PRIM2: variants seen among roughly 807,000 people sequenced by gnomAD.
PRIM2 encodes DNA primase subunit 2.
A neutral mutation model predicts 67.3 loss-of-function variants in PRIM2; 39 were observed. The ratio of observed to expected loss-of-function variants is 0.58; its 90% CI spans 0.45 to 0.76. The LOEUF (loss-of-function observed/expected upper bound fraction) is 0.76. Ranked by LOEUF, PRIM2 falls within the 30% of genes least tolerant of loss-of-function variation. The probability of loss-of-function intolerance (pLI) is 0.00; values close to 1 mark genes in which losing one functional copy is unlikely to be tolerated. For synonymous variants in PRIM2, 143 were observed against 198.7 expected (o/e 0.72, Z 2.36); for missense variants, 398 against 598.7 (o/e 0.66, Z 3.50).
At chr6:57,499,240 C>T (rs1554346628) in intron 7 of PRIM2, among the ~76,000 whole-genome samples, 4 of 152,182 alleles carry the variant, frequency 2.6e-5, no homozygotes, top group Admixed American at 6.5e-5. Context: ...GGCACATGCC[C>T]GACAGATATC....
chr6:57,388,106 C>A (rs1581853464), intron 7 of PRIM2, among the ~76,000 whole-genome samples: 3 of 152,168 alleles, frequency 2.0e-5, no homozygotes, highest in African/African-American at 7.2e-5. Context: ...GCTGCAATGG[C>A]TAGGTGTAGA....
Position 57,626,833 on chromosome 6 carries a change from C to T in PRIM2, c.1231-5300C>T, listed in dbSNP as rs1776956726. 3.9e-5 allele frequency among the ~76,000 whole-genome samples: 6 copies of T among 152,110 alleles called. 1 individual carries two copies. In the South Asian group the frequency reaches 1.0e-3, roughly 26 times the overall value. On this transcript the variant is annotated intron_variant, in intron 12 of 13. Coordinates refer to ENST00000615550, the MANE Select transcript of PRIM2 (RefSeq NM_000947.5). ...TAGAGACAGGGTTTCTCTGTGTTGC[C>T]TAGGCTGGTCTTGAACTCCTGGACT...
rs1201743728 is a variant in PRIM2, at chr6:57,609,298, G to A, written c.1230+2841G>A. ...TACCCCTCAGCAATGTGGGAACATA[G>A]AGGAAATAGCTAAGACACAGCAAAG... On this transcript the variant is annotated intron_variant, in intron 12 of 13. Transcript: ENST00000615550. Among the ~76,000 whole-genome samples the A allele has an allele frequency of 1.2e-4, 18 of 152,326 alleles. 2 individuals carry two copies. In the South Asian group the frequency reaches 3.5e-3, roughly 30 times the overall value.
Position 57,601,202 on chromosome 6 carries a change from G to A in PRIM2, c.1130G>A (p.Ser377Asn). Reference protein sequence around the residue: ...CLKIILSNPPSQGDYHGCPFR... With the variant: ...CLKIILSNPPNQGDYHGCPFR... ...AAGATTATTCTGTCCAATCCACCAA[G>A]CCAAGGGGATTATCATGGTAAGTGC... The change falls in exon 11 of 14, where the codon AGC becomes AAC. Residue 377 changes from serine (S) to asparagine (N), a missense_variant. Coordinates refer to ENST00000615550, the MANE Select transcript of PRIM2 (RefSeq NM_000947.5). 4 of 1,608,336 alleles carry A rather than the reference G, an allele frequency of 2.5e-6. No homozygotes were observed. Among genetic ancestry groups the A allele is most frequent in the South Asian group, 1.1e-5 (1 of 89,860 alleles).
chr6:57,539,782 T>C (rs1410805739), intron 10 of PRIM2, among the ~76,000 whole-genome samples: 4 of 151,850 alleles, frequency 2.6e-5, no homozygotes, highest in African/African-American at 9.7e-5. Context: ...TCGCCTGAGG[T>C]CAGGAGTTCA....
chr6:57,522,626 C>CT (rs1774649417), intron 8 of PRIM2, among the ~76,000 whole-genome samples: 3 of 152,050 alleles, frequency 2.0e-5, no homozygotes, highest in African/African-American at 7.2e-5. Flanking sequence ...GTAGCTGGGA[C>CT]TACAGATATG....
At chr6:57,239,905 A>G in the PRIM2 span, among the ~76,000 whole-genome samples, 1 of 152,172 alleles carries the variant, frequency 6.6e-6, no homozygotes, top group Non-Finnish European at 1.5e-5. Flanking sequence ...TTGAGCACCT[A>G]CAATGTTATG....
chr6:57,550,073 G>T (rs1367987434), intron 10 of PRIM2, among the ~76,000 whole-genome samples: 2 of 152,010 alleles, frequency 1.3e-5, no homozygotes, highest in Non-Finnish European at 1.5e-5. Flanking sequence ...CAACAAGAGC[G>T]AAACTCCGTG....
chr6:57,239,969 C>T, the PRIM2 span, among the ~76,000 whole-genome samples: 1 of 152,110 alleles, frequency 6.6e-6, no homozygotes, highest in East Asian at 1.9e-4. Context: ...ATAGTTCTTG[C>T]CCTCATACAG....
the PRIM2 span, among the ~76,000 whole-genome samples, chr6:57,230,715 A>G: frequency 6.6e-6 from 1 of 152,180 alleles, no homozygotes; most frequent in Non-Finnish European, 1.5e-5. Flanking sequence ...CACAGTTTGG[A>G]AAACTTAGGC....
the PRIM2 span, among the ~76,000 whole-genome samples, chr6:57,294,997 A>G: frequency 6.6e-6 from 1 of 152,078 alleles, no homozygotes; most frequent in Non-Finnish European, 1.5e-5. Flanking sequence ...TTAGCAGAGA[A>G]GGGGTTTCAT....
At chr6:57,335,704 C>T (rs999769374) in intron 5 of PRIM2, among the ~76,000 whole-genome samples, 17 of 152,290 alleles carry the variant, frequency 1.1e-4, no homozygotes, top group Middle Eastern at 3.4e-3. Flanking sequence ...CACCAAAAAC[C>T]CATCTGTACA....
chr6:57,337,885 C>CA (rs1246647805), intron 5 of PRIM2, among the ~76,000 whole-genome samples: 1 of 151,962 alleles, frequency 6.6e-6, no homozygotes, highest in Non-Finnish European at 1.5e-5. Flanking sequence ...AATAGAGACA[C>CA]AAAAATCCCT....
At chr6:57,606,244 G>A (rs1438367790) in intron 11 of PRIM2, 131 bp from the exon 12 acceptor site, 1 of 667,586 alleles carries the variant, frequency 1.5e-6, no homozygotes, top group Non-Finnish European at 2.7e-6. Context: ...TGCACCCATG[G>A]GCAATTACCT....
At chr6:57,284,027 G>A in the PRIM2 span, among the ~76,000 whole-genome samples, 1 of 152,032 alleles carries the variant, frequency 6.6e-6, no homozygotes, top group African/African-American at 2.4e-5. Context: ...ACTCTCAAAA[G>A]TGTGCTTATT....
At chr6:57,328,516 G>A (rs907650669) in intron 5 of PRIM2, among the ~76,000 whole-genome samples, 1 of 152,194 alleles carries the variant, frequency 6.6e-6, no homozygotes, top group Non-Finnish European at 1.5e-5. Flanking sequence ...GCTGTAGAAT[G>A]TATCAGTATT....
intron 8 of PRIM2, among the ~76,000 whole-genome samples, chr6:57,514,927 G>T (rs1774451255): frequency 6.6e-6 from 1 of 152,156 alleles, no homozygotes; most frequent in South Asian, 2.1e-4. Flanking sequence ...AGATAGTAAA[G>T]AGAGTGATAG....
intron 12 of PRIM2, among the ~76,000 whole-genome samples, chr6:57,631,419 G>T (rs1777037476): frequency 1.3e-5 from 2 of 152,092 alleles, no homozygotes; most frequent in Non-Finnish European, 2.9e-5. Context: ...GCAGTCTGCT[G>T]ATAAGGATGG....
chr6:57,386,009 TGTTG>T (rs887374375), intron 7 of PRIM2, among the ~76,000 whole-genome samples: 1 of 152,090 alleles, frequency 6.6e-6, no homozygotes, highest in Non-Finnish European at 1.5e-5. Flanking sequence ...AACATATTTC[TGTTG>T]GTTATGTGTT....
Sources: allele counts gnomAD v4.1 joint callset (sites outside exome capture counted in the v4.1 genomes callset), GRCh38; gene constraint gnomAD v4.1.1; transcripts MANE v1.5; gene names NCBI Gene and HGNC (gene_info 2026-07-23, HGNC 2026-07-21).